C11orf97: variants seen among roughly 807,000 people sequenced by gnomAD.
C11orf97 encodes uncharacterized protein C11orf97.
C11orf97 carries 15 observed loss-of-function variants against 16.2 expected under a neutral mutation model. The ratio of observed to expected loss-of-function variants is 0.93; its 90% CI spans 0.62 to 1.43. The LOEUF is 1.43. Ranked by LOEUF, C11orf97 falls within the 40% of genes most tolerant of loss-of-function variation. The pLI is 0.00. For missense variants in C11orf97, 171 were observed against 161.2 expected (o/e 1.06, Z -0.33); for synonymous variants, 61 against 65.7 (o/e 0.93, Z 0.34).
intron 1 of C11orf97, 40 bp downstream of exon 1, chr11:94,512,713 G>A: frequency 4.0e-6 from 5 of 1,234,586 alleles, no homozygotes; most frequent in Non-Finnish European, 5.1e-6. Context: ...TGGGAGGAGG[G>A]GCGTGGAGAA....
intron 1 of C11orf97, among the ~76,000 whole-genome samples, chr11:94,515,789 A>G (rs1316893816): frequency 6.6e-6 from 1 of 151,932 alleles, no homozygotes; most frequent in Non-Finnish European, 1.5e-5. Flanking sequence ...ATTTACCCGT[A>G]CTAGCTCCTT....
At chr11:94,528,353 G>A in intron 3 of C11orf97, 144 bp downstream of exon 3, 5 of 758,338 alleles carry the variant, frequency 6.6e-6, no homozygotes, top group Non-Finnish European at 9.6e-6. Context: ...CTTTTAGTTT[G>A]GCCATATTAT....
chr11:94,524,766 A>C (rs751314952), intron 2 of C11orf97, among the ~76,000 whole-genome samples: 1 of 152,164 alleles, frequency 6.6e-6, no homozygotes, highest in African/African-American at 2.4e-5. Flanking sequence ...CAAAAAGAAA[A>C]ATGTAGAATT....
intron 1 of C11orf97, among the ~76,000 whole-genome samples, chr11:94,515,783 A>G (rs612075): frequency 0.59 from 88,723 of 151,178 alleles, 26,312 homozygotes; most frequent in African/African-American, 0.66. Context: ...GGAGATATTT[A>G]CCCGTACTAG....
In C11orf97 at chr11:94,528,107, A is replaced by G. The variant is rs1401038149; in HGVS notation, c.274A>G (p.Ile92Val). The G allele has an allele frequency of 1.3e-6, 2 of 1,535,090 alleles. No homozygotes were observed. The highest frequency in any genetic ancestry group is 1.7e-6 in the Non-Finnish European group (2 of 1,146,460). ...AAVALEGIWS[I>V]KRNLPVGGLK... is the part of the protein sequence containing the mutation. ...AGTGGCCCTGGAAGGGATTTGGAGC[A>G]TTAAAAGGAATCTGCCTGTGGGAGG... The change falls in exon 3 of 4, where the codon ATT becomes GTT. Residue 92 changes from isoleucine (I) to valine (V), a missense_variant. Ile to Val is a conservative substitution (Grantham distance 29). Transcript: ENST00000542198.
chr11:94,531,864 A>C, intron 3 of C11orf97, 32 bp from the exon 4 acceptor site: 1 of 1,409,126 alleles, frequency 7.1e-7, no homozygotes, highest in Admixed American at 3.1e-5. Context: ...GAAGTAAAAC[A>C]CTTATTTTTT....
intron 3 of C11orf97, among the ~76,000 whole-genome samples, chr11:94,529,090 C>T (rs1376171515): frequency 6.6e-6 from 1 of 152,096 alleles, no homozygotes; most frequent in Non-Finnish European, 1.5e-5. Context: ...ATAATTTACC[C>T]CGGTTCGCTC....
Position 94,528,085 on chromosome 11 carries a change from G to C in C11orf97, c.252G>C (p.Val84=). 6.5e-7 allele frequency: 1 copy of C among 1,527,138 alleles called. No individual in the cohort carries two copies. Among genetic ancestry groups the C allele is most frequent in the South Asian group, 1.2e-5 (1 of 82,158 alleles). 94.6% of individuals were successfully genotyped at this position (1,527,138 alleles called of 1,614,324 possible). A position where few individuals can be genotyped will look rare whatever the true frequency, so the allele number is the denominator to read the frequency against. ...TCTTGCCTTAAAAAATATTGACAGT[G>C]GCCCTGGAAGGGATTTGGAGCATTA... ...DECHIKNPAA[V]ALEGIWSIKR... The change falls in exon 3 of 4, where the codon GTG becomes GTC. Residue 84 remains valine, a splice_region_variant and synonymous_variant. Coordinates refer to ENST00000542198, the MANE Select transcript of C11orf97 (RefSeq NM_001190462.2).
chr11:94,530,325 G>T (rs1190964243), intron 3 of C11orf97, among the ~76,000 whole-genome samples: 1 of 151,984 alleles, frequency 6.6e-6, no homozygotes, highest in Non-Finnish European at 1.5e-5. Context: ...ATCTCTTTAG[G>T]TTGCCAGCTG....
intron 3 of C11orf97, among the ~76,000 whole-genome samples, chr11:94,528,691 A>G (rs943322149): frequency 9.2e-5 from 14 of 152,206 alleles, no homozygotes; most frequent in Non-Finnish European, 1.9e-4. Context: ...ATTGTTCCTT[A>G]GCAGACATAA....
chr11:94,520,310 C>T (rs1239719499), intron 2 of C11orf97, among the ~76,000 whole-genome samples: 6 of 152,168 alleles, frequency 3.9e-5, no homozygotes, highest in Admixed American at 3.3e-4. Context: ...TCACAATGCT[C>T]CAATTTCCTG....
At chr11:94,527,164 A>G (rs1430302624) in intron 2 of C11orf97, among the ~76,000 whole-genome samples, 1 of 152,258 alleles carries the variant, frequency 6.6e-6, no homozygotes, top group Non-Finnish European at 1.5e-5. Context: ...ACTAAGATCA[A>G]AACCCAGATC....
intron 3 of C11orf97, among the ~76,000 whole-genome samples, chr11:94,529,887 A>G (rs936180626): frequency 6.6e-6 from 1 of 152,226 alleles, no homozygotes; most frequent in African/African-American, 2.4e-5. Flanking sequence ...AGTCTGGGCC[A>G]CTTGCCTATT....
rs546303387 is a variant in C11orf97 at position 94,531,715 on chromosome 11, C to T, written c.377-181C>T. ...GCTTGTCCGGAAACTATGCTTCAGT[C>T]GTGAGGGTTTGGAAGACTAAGTAGT... On this transcript the variant is annotated intron_variant, in intron 3 of 3. Coordinates refer to ENST00000542198, the MANE Select transcript of C11orf97 (RefSeq NM_001190462.2). Among the ~76,000 whole-genome samples, 9 of 152,116 alleles carry T rather than the reference C, an allele frequency of 5.9e-5. No individual in the cohort carries two copies. In the South Asian group the frequency reaches 1.9e-3, roughly 32 times the overall value.
At chr11:94,514,485 C>G (rs1036606149) in intron 1 of C11orf97, among the ~76,000 whole-genome samples, 2 of 152,206 alleles carry the variant, frequency 1.3e-5, no homozygotes, top group Non-Finnish European at 2.9e-5. Flanking sequence ...TTTACAGCTT[C>G]TATTCCCTAT....
intron 2 of C11orf97, among the ~76,000 whole-genome samples, chr11:94,519,929 AG>A (rs772450198): frequency 2.6e-5 from 4 of 152,200 alleles, no homozygotes; most frequent in Non-Finnish European, 5.9e-5. Flanking sequence ...TTCGGTTTGC[AG>A]TGACCCCTCC....
chr11:94,524,507 C>T (rs1344342716), intron 2 of C11orf97, among the ~76,000 whole-genome samples: 1 of 140,634 alleles, frequency 7.1e-6, no homozygotes, highest in Non-Finnish European at 1.5e-5. Context: ...GAGGTAAAAA[C>T]AGGTTTCAGA....
intron 1 of C11orf97, among the ~76,000 whole-genome samples, chr11:94,514,642 T>A (rs1191037886): frequency 2.4e-4 from 4 of 16,706 alleles, no homozygotes; most frequent in Non-Finnish European, 6.1e-4. Flanking sequence ...ATTTTTGCCT[T>A]TTTTTTTTTT....
Position 94,530,837 on chromosome 11 carries a change from T to G in C11orf97, c.377-1059T>G, listed in dbSNP as rs543021440. ...TCTTCACTGTGTGAATCTTGAAACG[T>G]TGCATATATTTTAAATACATCTTGG... On this transcript the variant is annotated intron_variant, in intron 3 of 3. Coordinates refer to ENST00000542198, the MANE Select transcript of C11orf97 (RefSeq NM_001190462.2). 2.0e-5 allele frequency among the ~76,000 whole-genome samples: 3 copies of G among 152,334 alleles called. No individual in the cohort carries two copies. In the South Asian group the frequency reaches 6.2e-4, roughly 32 times the overall value.
Sources: gnomAD v4.1 joint callset for allele counts (sites outside exome capture counted in the v4.1 genomes callset) on GRCh38, gnomAD v4.1.1 for gene constraint, MANE v1.5 for transcripts, NCBI Gene and HGNC (gene_info 2026-07-23, HGNC 2026-07-21) for gene names.